KIF27: variants seen among roughly 807,000 people sequenced by gnomAD.
KIF27 encodes kinesin family member 27.
KIF27 carries 84 observed loss-of-function variants against 141.8 expected under a neutral mutation model. That is an observed-to-expected ratio of 0.59 (90% CI 0.50 to 0.71). The LOEUF (loss-of-function observed/expected upper bound fraction) is 0.71. KIF27 is among the 30% of genes least tolerant of loss of function. The pLI is 0.00. For synonymous variants in KIF27, 471 were observed against 569.5 expected, an observed-to-expected ratio of 0.83 and a Z score of 2.46; for missense variants, 1,306 against 1,628.4, an observed-to-expected ratio of 0.80 and a Z score of 3.41.
intron 6 of KIF27, among the ~76,000 whole-genome samples, chr9:83,890,446 G>A (rs1006531000): frequency 2.6e-5 from 4 of 152,208 alleles, no homozygotes; most frequent in African/African-American, 9.6e-5. Context: ...TTTCTTTTGT[G>A]AGAGTTTGGG....
At position 83,903,966 on chromosome 9, in the gene KIF27, A is replaced by ACT; in HGVS notation, c.550_551dup (p.Ser184ArgfsTer18). ...TGGCTGCATTCCCCATCTCCAAAAG[A>ACT]CTCATCACTTCACCTGCACTCTCCA... On this transcript the variant is annotated frameshift_variant, in exon 4 of 18. Coordinates refer to ENST00000297814, the MANE Select transcript of KIF27 (RefSeq NM_017576.4). LOFTEE classifies it high-confidence loss of function. The ACT allele has an allele frequency of 6.2e-7, 1 of 1,613,864 alleles. No individual in the cohort carries two copies. Among genetic ancestry groups the ACT allele is most frequent in the Non-Finnish European group, 8.5e-7 (1 of 1,179,930 alleles).
chr9:83,884,697 A>C (rs1036976482), intron 9 of KIF27, among the ~76,000 whole-genome samples: 2 of 152,150 alleles, frequency 1.3e-5, no homozygotes, highest in Non-Finnish European at 2.9e-5. Context: ...CAATATTAAC[A>C]CCAATCAGTC....
intron 5 of KIF27, among the ~76,000 whole-genome samples, chr9:83,897,505 T>C (rs1469960589): frequency 1.3e-5 from 2 of 151,902 alleles, no homozygotes; most frequent in Non-Finnish European, 2.9e-5. Flanking sequence ...GGCAAAACAA[T>C]AAAGCTTCTG....
At chr9:83,889,493 A>G (rs1023150002) in intron 6 of KIF27, among the ~76,000 whole-genome samples, 7 of 152,188 alleles carry the variant, frequency 4.6e-5, no homozygotes, top group Non-Finnish European at 7.3e-5. Context: ...CAACTCTTCT[A>G]TCTTCACTTA....
rs139609439 is a variant in KIF27, at chr9:83,903,740, G to A, written c.778C>T (p.Arg260Trp). The A allele has an allele frequency of 6.4e-5, 103 of 1,614,098 alleles. No homozygotes were observed. The highest frequency in any genetic ancestry group is 8.3e-5 in the Admixed American group (5 of 60,012). Residue 260 changes from arginine to tryptophan, a missense_variant, in exon 4 of 18, where the codon CGG (arginine) becomes TGG (tryptophan). Arg to Trp is a moderately radical substitution (Grantham distance 101). Coordinates refer to ENST00000297814, the MANE Select transcript of KIF27 (RefSeq NM_017576.4). Reference sequence around the variant, plus strand: ...TTGATTTGAATGGATTCTTTGAACCGTTCACCAGTATTCCCCGTTTTGGTT... The same window carrying A: ...TTGATTTGAATGGATTCTTTGAACCATTCACCAGTATTCCCCGTTTTGGTT... Reference protein sequence around the residue: ...RVTKTGNTGERFKESIQINSG... With the variant: ...RVTKTGNTGEWFKESIQINSG...
intron 15 of KIF27, among the ~76,000 whole-genome samples, chr9:83,853,235 A>G (rs1269682958): frequency 4.0e-5 from 6 of 151,880 alleles, no homozygotes; most frequent in Non-Finnish European, 7.4e-5. Context: ...AGATTCCCCT[A>G]CCCTGCAGCA....
intron 4 of KIF27, among the ~76,000 whole-genome samples, chr9:83,900,636 T>A (rs906295011): frequency 7.9e-5 from 12 of 151,794 alleles, no homozygotes; most frequent in African/African-American, 2.9e-4. Context: ...TGCACACGCA[T>A]GTTTACAGCA....
At position 83,887,065 on chromosome 9, in the gene KIF27, G is replaced by C. The variant is rs1296041458; in HGVS notation, c.2215C>G (p.Leu739Val). Reference sequence around the variant, plus strand: ...CCTGTTTTTATTAATTCTTTAATCAGATCTTCCTTCATCTTGATGTTAATT... The same window carrying C: ...CCTGTTTTTATTAATTCTTTAATCACATCTTCCTTCATCTTGATGTTAATT... Reference protein sequence around the residue: ...LTINIKMKEDLIKELIKTGND... With the variant: ...LTINIKMKEDVIKELIKTGND... Residue 739 changes from leucine (L) to valine (V), a missense_variant, in exon 9 of 18, where the codon CTG (leucine) becomes GTG (valine). Transcript: ENST00000297814. The C allele has an allele frequency of 6.3e-7, 1 of 1,593,782 alleles. No homozygotes were observed. The highest frequency in any genetic ancestry group is 8.5e-7 in the Non-Finnish European group (1 of 1,173,722).
At chr9:83,842,631 A>T (rs1304783400) in intron 16 of KIF27, among the ~76,000 whole-genome samples, 1 of 151,986 alleles carries the variant, frequency 6.6e-6, no homozygotes, top group East Asian at 1.9e-4. Flanking sequence ...ACGCCCGGCT[A>T]ATTTTTTTGT....
chr9:83,847,528 T>C (rs1222564897), intron 16 of KIF27: 1 of 152,152 alleles, frequency 6.6e-6, no homozygotes, highest in Non-Finnish European at 1.5e-5. Flanking sequence ...TCTCAGGAGA[T>C]GTGTATGAGC....
chr9:83,858,669 A>G (rs1949539465), intron 14 of KIF27: 1 of 153,890 alleles, frequency 6.5e-6, no homozygotes, highest in Non-Finnish European at 1.4e-5. Context: ...AATTTTGTGC[A>G]TCTATTTGGC....
intron 17 of KIF27, among the ~76,000 whole-genome samples, chr9:83,840,311 G>A (rs920152844): frequency 6.6e-6 from 1 of 151,932 alleles, no homozygotes; most frequent in Admixed American, 6.6e-5. Flanking sequence ...CATTTTAAAT[G>A]TTTCTAGGTA....
intron 16 of KIF27, chr9:83,848,515 TGC>T (rs1200339921): frequency 1.4e-5 from 2 of 145,748 alleles, no homozygotes; most frequent in Non-Finnish European, 3.0e-5. Context: ...TAGCTATATA[TGC>T]ATATATACAT....
intron 13 of KIF27, among the ~76,000 whole-genome samples, chr9:83,865,279 A>G (rs1284387306): frequency 6.6e-6 from 1 of 152,018 alleles, no homozygotes; most frequent in Admixed American, 6.6e-5. Flanking sequence ...ACTTTTTGGA[A>G]TATTTCCTCA....
rs1486938889 is a variant in KIF27 at position 83,903,353 on chromosome 9, G to A, written c.1165C>T (p.Pro389Ser). The A allele has an allele frequency of 1.2e-6, 2 of 1,614,022 alleles. No homozygotes were observed. The highest frequency in any genetic ancestry group is 1.3e-5 in the African/African-American group (1 of 74,932). Reference sequence around the variant, plus strand: ...AGAGAATGAATCCTATTTGTATCAGGACTCCCTTCTCGATTGATCTGGGTA... The same window carrying A: ...AGAGAATGAATCCTATTTGTATCAGAACTCCCTTCTCGATTGATCTGGGTA... The part of the protein sequence containing the change: ...QTTQINREGS[P>S]DTNRIHSLEE... Residue 389 changes from proline (P) to serine (S), a missense_variant, in exon 4 of 18, where the codon CCT (proline) becomes TCT (serine). This residue lies in a region of KIF27 where 533 missense variants were observed against 565.6 expected (regional missense o/e 0.94). Coordinates refer to ENST00000297814, the MANE Select transcript of KIF27 (RefSeq NM_017576.4).
rs1954214804 is a variant in KIF27 at position 83,903,952 on chromosome 9, C to T, written c.566G>A (p.Gly189Glu). ...AGEVMSLLEM[G>E]NAARHTGTTQ... ...GGTACCTGTATGTCTGGCTGCATTC[C>T]CCATCTCCAAAAGACTCATCACTTC... The change falls in exon 4 of 18, where the codon GGG (glycine) becomes GAG (glutamate). Residue 189 changes from glycine to glutamate, a missense_variant. Around this residue, in one of 4 missense-constraint regions of KIF27, gnomAD observed 533 missense variants for 565.6 expected, o/e 0.94. Coordinates refer to ENST00000297814, the MANE Select transcript of KIF27 (RefSeq NM_017576.4). 1 of 1,613,958 alleles carries T rather than the reference C, an allele frequency of 6.2e-7. No individual in the cohort carries two copies. The highest frequency in any genetic ancestry group is 1.3e-5 in the African/African-American group (1 of 74,892).
chr9:83,841,025 T>G (rs1169018189), intron 17 of KIF27, among the ~76,000 whole-genome samples: 1 of 152,140 alleles, frequency 6.6e-6, no homozygotes, highest in Non-Finnish European at 1.5e-5. Context: ...TAAAGGGAAT[T>G]ATTCTTGAAA....
intron 5 of KIF27, among the ~76,000 whole-genome samples, chr9:83,897,028 T>C (rs1452811872): frequency 6.6e-6 from 1 of 152,102 alleles, no homozygotes; most frequent in Non-Finnish European, 1.5e-5. Context: ...ATTCTGTAAA[T>C]ACATAAAAAA....
intron 12 of KIF27, chr9:83,868,182 G>C (rs35874184): frequency 6.2e-5 from 12 of 194,806 alleles, no homozygotes; most frequent in South Asian, 4.6e-4. Context: ...TGTTGTAGTG[G>C]TGCACAGTTC....
Sources: gnomAD v4.1 joint callset for allele counts (sites outside exome capture counted in the v4.1 genomes callset) on GRCh38, gnomAD v4.1.1 for gene constraint, gnomAD v4.1.1 regional missense constraint, MANE v1.5 for transcripts, NCBI Gene and HGNC (gene_info 2026-07-23, HGNC 2026-07-21) for gene names.